RERE: variants seen among roughly 807,000 people sequenced by gnomAD.
RERE encodes arginine-glutamic acid dipeptide repeats.
Under a neutral mutation model 146.1 loss-of-function variants are expected in RERE, and 40 were observed. The observed-to-expected ratio is 0.27, with a 90% CI of 0.21 to 0.36. The LOEUF (loss-of-function observed/expected upper bound fraction) is 0.36, where lower values mean the gene tolerates loss of function less well. RERE is among the 10% of genes least tolerant of loss of function. RERE has a pLI of 1.00. For missense variants in RERE, 1,933 were observed against 2,138.7 expected (o/e 0.90, Z 1.90); for synonymous variants, 1,003 against 866.0 (o/e 1.16, Z -2.78).
At chr1:8,565,163 T>C (rs1366104958) in intron 4 of RERE, among the ~76,000 whole-genome samples, 1 of 152,004 alleles carries the variant, frequency 6.6e-6, no homozygotes, top group African/African-American at 2.4e-5. Context: ...CACAACATGA[T>C]TAATATAGTT....
chr1:8,521,882 C>T (rs557274544), intron 7 of RERE, among the ~76,000 whole-genome samples: 7 of 152,284 alleles, frequency 4.6e-5, no homozygotes, highest in African/African-American at 1.7e-4. Context: ...TAAGAATAGA[C>T]TTGGCCCCTG....
chr1:8,531,863 T>G (rs1276623286), intron 7 of RERE, among the ~76,000 whole-genome samples: 1 of 152,262 alleles, frequency 6.6e-6, no homozygotes, highest in Non-Finnish European at 1.5e-5. Context: ...AGTATTTGAC[T>G]GTGAAACAGG....
chr1:8,719,908 G>A (rs1639828878), intron 1 of RERE, among the ~76,000 whole-genome samples: 1 of 152,066 alleles, frequency 6.6e-6, no homozygotes, highest in Admixed American at 6.5e-5. Flanking sequence ...GCTGCTATAT[G>A]AAGCAACTCA....
intron 11 of RERE, among the ~76,000 whole-genome samples, chr1:8,457,084 G>C (rs1644461101): frequency 6.6e-6 from 1 of 152,180 alleles, no homozygotes. Flanking sequence ...CAGAATGAAA[G>C]AATGAATGAA....
chr1:8,496,350 G>T (rs1645045732), intron 9 of RERE, among the ~76,000 whole-genome samples: 1 of 151,862 alleles, frequency 6.6e-6, no homozygotes, highest in African/African-American at 2.4e-5. Context: ...GGTGCCACGG[G>T]TCTATAACCC....
chr1:8,546,822 C>T lies in RERE; in HGVS notation c.726-5504G>A, dbSNP rs114309117. On this transcript the variant is annotated intron_variant, in intron 6 of 22. Transcript: ENST00000400908. ...AAGATGGCGCCACTACAAGGATGGGCGACAGAGCAAGACTTCGTCTCAAAA... is the reference window on the plus strand; with the variant it reads ...AAGATGGCGCCACTACAAGGATGGGTGACAGAGCAAGACTTCGTCTCAAAA... Among the ~76,000 whole-genome samples, 64 of 144,610 alleles carry T rather than the reference C, an allele frequency of 4.4e-4. No homozygotes were observed. The East Asian group carries it at 5.5e-3, about 12-fold the overall frequency. The allele number at this position is 144,610 out of a possible 152,430, so 94.9% of individuals were successfully genotyped here.
chr1:8,550,250 T>G (rs918054179), intron 6 of RERE, among the ~76,000 whole-genome samples: 1 of 152,192 alleles, frequency 6.6e-6, no homozygotes, highest in African/African-American at 2.4e-5. Flanking sequence ...TCTTACTGGG[T>G]AGGTTCCCAT....
intron 1 of RERE, among the ~76,000 whole-genome samples, chr1:8,681,153 C>A (rs931629267): frequency 6.6e-6 from 1 of 152,090 alleles, no homozygotes; most frequent in Admixed American, 6.6e-5. Flanking sequence ...ATAAAACAAA[C>A]GGGGCAGGGG....
At chr1:8,663,294 AG>A (rs1374582177) in intron 1 of RERE, among the ~76,000 whole-genome samples, 1 of 152,196 alleles carries the variant, frequency 6.6e-6, no homozygotes, top group Admixed American at 6.5e-5. Context: ...GCTATTTGTT[AG>A]GATGTTTGAC....
chr1:8,357,301 G>A (rs1452360225), intron 20 of RERE, among the ~76,000 whole-genome samples: 2 of 152,172 alleles, frequency 1.3e-5, no homozygotes, highest in African/African-American at 4.8e-5. Flanking sequence ...GGCTTGTAAG[G>A]TCTACACCAG....
intron 10 of RERE, among the ~76,000 whole-genome samples, chr1:8,492,829 G>A (rs1644995982): frequency 6.6e-6 from 1 of 152,184 alleles, no homozygotes; most frequent in Admixed American, 6.5e-5. Flanking sequence ...AGAAAAGCTT[G>A]AGCCTGGGAG....
chr1:8,810,946 AAGG>A (rs1343469728), intron 1 of RERE, among the ~76,000 whole-genome samples: 1 of 152,214 alleles, frequency 6.6e-6, no homozygotes, highest in Admixed American at 6.5e-5. Flanking sequence ...CAGAAAATAA[AAGG>A]AGAATAAGAC....
chr1:8,365,742 C>A (rs894918109), intron 13 of RERE, 70 bp downstream of exon 13: 2 of 1,564,332 alleles, frequency 1.3e-6, no homozygotes, highest in African/African-American at 2.7e-5. Context: ...CTCCTACGGG[C>A]CCAGAGTGGG....
chr1:8,594,976 T>C (rs1038517126), intron 4 of RERE, among the ~76,000 whole-genome samples: 3 of 152,052 alleles, frequency 2.0e-5, no homozygotes, highest in South Asian at 2.1e-4. Context: ...CTGGGCAACA[T>C]AGTGAGACTT....
intron 11 of RERE, among the ~76,000 whole-genome samples, chr1:8,460,365 C>T (rs756699465): frequency 3.9e-5 from 6 of 152,152 alleles, no homozygotes; most frequent in Admixed American, 6.5e-5. Flanking sequence ...CTTGACCGGC[C>T]GCACGGGTTC....
intron 4 of RERE, among the ~76,000 whole-genome samples, chr1:8,601,736 A>AACACACAC (rs3082091): frequency 0.01 from 1,417 of 140,850 alleles, 11 homozygotes; most frequent in South Asian, 0.02. Context: ...GTCCAAGGTC[A>AACACACAC]ACACACACAC....
intron 7 of RERE, among the ~76,000 whole-genome samples, chr1:8,524,166 T>A (rs952948487): frequency 6.6e-6 from 1 of 152,062 alleles, no homozygotes; most frequent in Non-Finnish European, 1.5e-5. Context: ...TGGTATGGGG[T>A]ACCTCCCCAA....
intron 12 of RERE, among the ~76,000 whole-genome samples, chr1:8,416,989 G>C (rs1643794446): frequency 6.6e-6 from 1 of 152,306 alleles, no homozygotes; most frequent in South Asian, 2.1e-4. Flanking sequence ...TTGTAGAAGA[G>C]GGACAAGGTT....
At chr1:8,381,185 T>A (rs577296179) in intron 12 of RERE, 1 of 362,714 alleles carries the variant, frequency 2.8e-6, no homozygotes, top group Admixed American at 3.5e-5. Flanking sequence ...GTGACCTTTT[T>A]GTGGCTCATA....
Sources: gnomAD v4.1 joint callset for allele counts (sites outside exome capture counted in the v4.1 genomes callset) on GRCh38, gnomAD v4.1.1 for gene constraint, MANE v1.5 for transcripts, NCBI Gene and HGNC (gene_info 2026-07-23, HGNC 2026-07-21) for gene names.